PCSK2: variants seen among roughly 807,000 people sequenced by gnomAD.
The protein encoded by PCSK2 is neuroendocrine convertase 2.
A neutral mutation model predicts 69.7 loss-of-function variants in PCSK2; 14 were observed. The observed-to-expected ratio is 0.20, with a 90% CI of 0.13 to 0.31. The LOEUF is 0.31. Ranked by LOEUF, PCSK2 falls within the 10% of genes least tolerant of loss-of-function variation. PCSK2 has a pLI of 1.00. For missense variants in PCSK2, 544 were observed against 842.5 expected, an observed-to-expected ratio of 0.65 and a Z score of 4.39; for synonymous variants, 307 against 320.7, an observed-to-expected ratio of 0.96 and a Z score of 0.46.
At chr20:17,374,022 C>T (rs6080665) in intron 5 of PCSK2, among the ~76,000 whole-genome samples, 39,361 of 152,098 alleles carry the variant, frequency 0.26, 6,425 homozygotes, top group South Asian at 0.48. Flanking sequence ...AGTCATGACA[C>T]GAAATGAGTA....
chr20:17,315,462 A>G (rs1989653513), intron 2 of PCSK2, among the ~76,000 whole-genome samples: 1 of 152,194 alleles, frequency 6.6e-6, no homozygotes, highest in Non-Finnish European at 1.5e-5. Flanking sequence ...CTGGCCCTCC[A>G]GAGGGGGCCT....
intron 2 of PCSK2, among the ~76,000 whole-genome samples, chr20:17,316,399 G>C (rs117681807): frequency 6.6e-6 from 1 of 152,318 alleles, no homozygotes; most frequent in Non-Finnish European, 1.5e-5. Flanking sequence ...GCACATAGAG[G>C]TGAAATATCA....
At chr20:17,455,323 T>C in intron 9 of PCSK2, among the ~76,000 whole-genome samples, 1 of 152,148 alleles carries the variant, frequency 6.6e-6, no homozygotes, top group East Asian at 1.9e-4. Context: ...GAGGAAGAAT[T>C]CCCGTCGTTT....
chr20:17,351,112 T>C (rs2029971790), intron 2 of PCSK2, among the ~76,000 whole-genome samples: 1 of 151,792 alleles, frequency 6.6e-6, no homozygotes, highest in Admixed American at 6.6e-5. Flanking sequence ...TGCACAGGGA[T>C]GTTTTCTGCT....
At chr20:17,262,956 C>T (rs1987447943) in intron 2 of PCSK2, among the ~76,000 whole-genome samples, 1 of 152,150 alleles carries the variant, frequency 6.6e-6, no homozygotes, top group Non-Finnish European at 1.5e-5. Context: ...CTTCCTTCTC[C>T]TTCCTGTCCC....
chr20:17,242,593 T>C (rs966089452), intron 1 of PCSK2, among the ~76,000 whole-genome samples: 1 of 152,220 alleles, frequency 6.6e-6, no homozygotes, highest in Non-Finnish European at 1.5e-5. Context: ...CAAACTGTTT[T>C]AGCAATTGGT....
At chr20:17,476,499 C>T (rs746802813) in intron 11 of PCSK2, among the ~76,000 whole-genome samples, 4 of 152,110 alleles carry the variant, frequency 2.6e-5, no homozygotes, top group Non-Finnish European at 4.4e-5. Context: ...TTTCCATCAT[C>T]GTAGAGTGTC....
At chr20:17,303,443 ATATATATTATATTAAATATAATATATAT>A (rs1160669290) in intron 2 of PCSK2, among the ~76,000 whole-genome samples, 3 of 49,868 alleles carry the variant, frequency 6.0e-5, no homozygotes, top group Non-Finnish European at 1.2e-4. Flanking sequence ...ATATAATATA[ATATATATTATATTAAATATAATATATAT>A]TATATATAAT....
intron 5 of PCSK2, among the ~76,000 whole-genome samples, chr20:17,378,252 G>A (rs1291342260): frequency 6.6e-6 from 1 of 152,096 alleles, no homozygotes; most frequent in East Asian, 1.9e-4. Context: ...TCACCACATG[G>A]GGGATGAACT....
chr20:17,454,067 TGAAC>T, intron 9 of PCSK2, 110 bp downstream of exon 9: 2 of 1,470,130 alleles, frequency 1.4e-6, no homozygotes, highest in African/African-American at 1.4e-5. Flanking sequence ...CCTCAGAGCC[TGAAC>T]TAAGGCTCTG....
At chr20:17,327,013 C>T (rs1381514112) in intron 2 of PCSK2, among the ~76,000 whole-genome samples, 6 of 152,214 alleles carry the variant, frequency 3.9e-5, no homozygotes, top group Non-Finnish European at 7.3e-5. Flanking sequence ...TCATCCTCCC[C>T]CTTCTTCTGT....
At chr20:17,344,266 A>G (rs996090794) in intron 2 of PCSK2, among the ~76,000 whole-genome samples, 20 of 152,198 alleles carry the variant, frequency 1.3e-4, no homozygotes, top group African/African-American at 4.8e-4. Flanking sequence ...TTGGCTTGAC[A>G]TATGAATTAC....
Position 17,288,466 on chromosome 20 carries a change from C to T in PCSK2, c.282+28122C>T, listed in dbSNP as rs539460022. ...ACAGTGAGTCCCTACTCACCTGCTCCACCACTAATGGCTGCAGCAATGCCA... is the reference window on the plus strand; with the variant it reads ...ACAGTGAGTCCCTACTCACCTGCTCTACCACTAATGGCTGCAGCAATGCCA... On this transcript the variant is annotated intron_variant, in intron 2 of 11. Coordinates refer to ENST00000262545, the MANE Select transcript of PCSK2 (RefSeq NM_002594.5). Among the ~76,000 whole-genome samples, 3 of 152,274 alleles carry T rather than the reference C, an allele frequency of 2.0e-5. No individual in the cohort carries two copies. The East Asian group carries it at 5.8e-4, about 29-fold the overall frequency.
chr20:17,480,184 CTTTTTTTT>C (rs1164266992), intron 11 of PCSK2, among the ~76,000 whole-genome samples: 56 of 77,000 alleles, frequency 7.3e-4, no homozygotes, highest in Non-Finnish European at 1.0e-3. Context: ...TTCAGCTTTT[CTTTTTTTT>C]TTTTTTTTTT....
At chr20:17,466,306 C>T (rs1196379295) in intron 11 of PCSK2, among the ~76,000 whole-genome samples, 1 of 152,166 alleles carries the variant, frequency 6.6e-6, no homozygotes, top group Non-Finnish European at 1.5e-5. Flanking sequence ...TGTTTTACAA[C>T]TAGATTATTT....
At chr20:17,442,648 C>T (rs983661610) in intron 8 of PCSK2, among the ~76,000 whole-genome samples, 2 of 152,196 alleles carry the variant, frequency 1.3e-5, no homozygotes, top group African/African-American at 4.8e-5. Context: ...TGAAAATGCT[C>T]ACGATGCAGT....
At chr20:17,476,418 T>G (rs566651932) in intron 11 of PCSK2, among the ~76,000 whole-genome samples, 8 of 152,328 alleles carry the variant, frequency 5.3e-5, no homozygotes, top group Admixed American at 5.2e-4. Context: ...ACTCACATGA[T>G]CTATGTTTCA....
chr20:17,283,810 A>G (rs952859002), intron 2 of PCSK2, among the ~76,000 whole-genome samples: 3 of 152,154 alleles, frequency 2.0e-5, no homozygotes, highest in African/African-American at 7.2e-5. Flanking sequence ...CTACCTACCT[A>G]AATCCAGCTA....
intron 2 of PCSK2, among the ~76,000 whole-genome samples, chr20:17,321,174 G>A (rs1319804616): frequency 6.6e-6 from 1 of 152,202 alleles, no homozygotes; most frequent in Non-Finnish European, 1.5e-5. Flanking sequence ...CCATTAGGAA[G>A]CAATATTAGT....
Sources: gnomAD v4.1 joint callset for allele counts (sites outside exome capture counted in the v4.1 genomes callset) on GRCh38, gnomAD v4.1.1 for gene constraint, MANE v1.5 for transcripts, NCBI Gene and HGNC (gene_info 2026-07-23, HGNC 2026-07-21) for gene names.